The following MLKL variants were observed in gnomAD, a reference collection of about 807,000 sequenced individuals.
MLKL encodes mixed lineage kinase domain like pseudokinase, also known as mixed lineage kinase domain-like protein.
In MLKL, 55 loss-of-function variants were observed where a neutral mutation model predicts 56.5. The observed-to-expected ratio is 0.97, with a 90% CI of 0.78 to 1.22. MLKL has a LOEUF of 1.22. MLKL is among the 50% of genes most tolerant of loss of function. The pLI, the probability that MLKL is intolerant of heterozygous loss-of-function variation, is 0.00. For synonymous variants in MLKL, 251 were observed against 208.3 expected (o/e 1.20, Z -1.76); for missense variants, 694 against 573.9 (o/e 1.21, Z -2.14).
Position 74,678,573 on chromosome 16 carries a change from C to A in MLKL, c.1038+326G>T, listed in dbSNP as rs9940904. Among the ~76,000 whole-genome samples the A allele has an allele frequency of 6.9e-3, 1,058 of 152,312 alleles. 9 individuals are homozygous for A. The highest frequency in any genetic ancestry group is 0.024 in the African/African-American group (1,004 of 41,578). ...CCCAGGTGGGCGGATCACTTGAGGC[C>A]AGGAGTTCAAAACCAGCTGGCCAAC... On this transcript the variant is annotated intron_variant, in intron 7 of 10. Transcript: ENST00000308807.
At chr16:74,689,567 T>G (rs1489815671) in intron 4 of MLKL, among the ~76,000 whole-genome samples, 1 of 152,208 alleles carries the variant, frequency 6.6e-6, no homozygotes, top group African/African-American at 2.4e-5. Flanking sequence ...TCTTTGATAT[T>G]TATTCAGCTA....
chr16:74,673,363 G>A (rs571266765), intron 10 of MLKL, among the ~76,000 whole-genome samples: 54 of 152,206 alleles, frequency 3.5e-4, no homozygotes, highest in African/African-American at 1.3e-3. Context: ...GATTACCGGT[G>A]TGTGCCACTA....
chr16:74,685,108 C>T (rs1960246289), intron 5 of MLKL, among the ~76,000 whole-genome samples: 2 of 152,126 alleles, frequency 1.3e-5, no homozygotes, highest in Non-Finnish European at 2.9e-5. Context: ...AAGTGACCTG[C>T]CTGTCTCGGC....
At position 74,682,680 on chromosome 16, in the gene MLKL, T is replaced by C. The variant is rs1287324872; in HGVS notation, c.927A>G (p.Leu309=). The C allele has an allele frequency of 3.7e-6, 6 of 1,614,022 alleles. No individual in the cohort carries two copies. In the Admixed American group the frequency reaches 8.3e-5, roughly 22 times the overall value. ...ATAGGCCTCGGGCTGCCCCCAGGAC[T>C]AGGACCATGCGCTTGCCAAGTGTGA... ...KDLTLGKRMV[L]VLGAARGLYR... Residue 309 remains leucine (L), a synonymous_variant, in exon 6 of 11, where the codon CTA becomes CTG. Coordinates refer to ENST00000308807, the MANE Select transcript of MLKL (RefSeq NM_152649.4).
chr16:74,675,915 A>G (rs1567599814), intron 7 of MLKL, 151 bp from the exon 8 acceptor site: 7 of 768,458 alleles, frequency 9.1e-6, no homozygotes, highest in East Asian at 2.6e-5. Context: ...TGGCTACTTT[A>G]TTGGTTAACA....
At chr16:74,689,151 G>A (rs151270364) in intron 4 of MLKL, among the ~76,000 whole-genome samples, 351 of 137,946 alleles carry the variant, frequency 2.5e-3, no homozygotes, top group African/African-American at 9.0e-3. Flanking sequence ...GTCTTGCTCT[G>A]TTACCCAGGC....
In MLKL at chr16:74,685,498, T is replaced by A; in HGVS notation, c.808A>T (p.Ile270Phe). 1 of 1,613,892 alleles carries A rather than the reference T, an allele frequency of 6.2e-7. No individual in the cohort carries two copies. Among genetic ancestry groups the A allele is most frequent in the Non-Finnish European group, 8.5e-7 (1 of 1,179,800 alleles). Residue 270 changes from isoleucine to phenylalanine, a missense_variant, in exon 5 of 11, where the codon ATT becomes TTT. Ile to Phe is a conservative substitution (Grantham distance 21). Transcript: ENST00000308807. Reference protein sequence around the residue: ...PNILRIFGICIDETVTPPQFS... With the variant: ...PNILRIFGICFDETVTPPQFS... Reference sequence around the variant, plus strand: ...AAGCATTCCTTACCTGTTTCATCAATGCAAATCCCAAATATACGCAGGATG... The same window carrying A: ...AAGCATTCCTTACCTGTTTCATCAAAGCAAATCCCAAATATACGCAGGATG...
At chr16:74,693,477 A>AAAAGAAAGAAAGAAAGAAAG (rs373622678) in intron 2 of MLKL, among the ~76,000 whole-genome samples, 7 of 124,618 alleles carry the variant, frequency 5.6e-5, no homozygotes, top group East Asian at 2.3e-4. Flanking sequence ...AAGAAAAGAA[A>AAAAGAAAGAAAGAAAGAAAG]AAAGAAAGAA....
intron 4 of MLKL, 84 bp from the exon 5 acceptor site, chr16:74,685,667 G>A: frequency 9.5e-7 from 1 of 1,048,244 alleles, no homozygotes; most frequent in Non-Finnish European, 1.5e-6. Context: ...CTCTGTGTAT[G>A]TGGGGGCGGG....
Position 74,682,727 on chromosome 16 carries a change from G to A in MLKL, c.880C>T (p.Leu294=), listed in dbSNP as rs80226077. The A allele has an allele frequency of 1.0e-3, 1,685 of 1,614,104 alleles. 20 individuals carry two copies. In the African/African-American group the frequency reaches 0.021, roughly 20 times the overall value. Reference sequence around the variant, plus strand: ...GTGAGGTCTTTTTCCCTATCCAACAGCTCCCTCAGGGTCCCGAGTTCACAG... The same window carrying A: ...GTGAGGTCTTTTTCCCTATCCAACAACTCCCTCAGGGTCCCGAGTTCACAG... ...EYCELGTLRE[L]LDREKDLTLG... Residue 294 remains leucine, a synonymous_variant, in exon 6 of 11, where the codon CTG becomes TTG. Coordinates refer to ENST00000308807, the MANE Select transcript of MLKL (RefSeq NM_152649.4).
At chr16:74,696,627 A>G (rs1220527408) in intron 1 of MLKL, among the ~76,000 whole-genome samples, 1 of 151,774 alleles carries the variant, frequency 6.6e-6, no homozygotes. Flanking sequence ...TCTCTACAAA[A>G]ATAAAAAAAA....
chr16:74,678,154 G>A (rs891194300), intron 7 of MLKL: 1 of 152,396 alleles, frequency 6.6e-6, no homozygotes, highest in Non-Finnish European at 1.5e-5. Flanking sequence ...CTGACAAAGA[G>A]AGTATCTCCT....
intron 2 of MLKL, 138 bp downstream of exon 2, chr16:74,695,160 T>C (rs994388201): frequency 5.5e-6 from 5 of 915,070 alleles, no homozygotes; most frequent in Non-Finnish European, 8.1e-6. Context: ...GCGAGAGCCA[T>C]CGCGCCCAGC....
intron 6 of MLKL, among the ~76,000 whole-genome samples, chr16:74,681,598 C>T (rs1429558616): frequency 2.0e-5 from 3 of 151,610 alleles, no homozygotes; most frequent in African/African-American, 7.3e-5. Context: ...TCGATACCAT[C>T]CTGGCTAACA....
At chr16:74,679,902 T>A (rs1320429740) in intron 6 of MLKL, among the ~76,000 whole-genome samples, 1 of 152,088 alleles carries the variant, frequency 6.6e-6, no homozygotes, top group African/African-American at 2.4e-5. Flanking sequence ...GGAAGTAGGA[T>A]GGCGAAGGAG....
chr16:74,695,865 T>A, intron 1 of MLKL, 106 bp from the exon 2 acceptor site: 1 of 987,050 alleles, frequency 1.0e-6, no homozygotes, highest in South Asian at 1.7e-5. Flanking sequence ...CCTGAGGAGG[T>A]CTCCCCAGCA....
intron 5 of MLKL, among the ~76,000 whole-genome samples, chr16:74,683,519 C>A (rs926520693): frequency 6.6e-6 from 1 of 150,592 alleles, no homozygotes; most frequent in East Asian, 2.0e-4. Context: ...TTGCTTGAAC[C>A]TCGGAGGTGG....
rs1292246704 is a variant in MLKL at position 74,685,497 on chromosome 16, A to G, written c.809T>C (p.Ile270Thr). ...PNILRIFGICIDETVTPPQFS... is the reference protein window; with the variant it reads ...PNILRIFGICTDETVTPPQFS... ...GAAGCATTCCTTACCTGTTTCATCA[A>G]TGCAAATCCCAAATATACGCAGGAT... The change falls in exon 5 of 11, where the codon ATT becomes ACT. Residue 270 changes from isoleucine (I) to threonine (T), a missense_variant. Physicochemically the swap from Ile to Thr is moderately conservative, Grantham distance 89. Transcript: ENST00000308807. 18 of 1,613,848 alleles carry G rather than the reference A, an allele frequency of 1.1e-5. No homozygotes were observed. Among genetic ancestry groups the G allele is most frequent in the East Asian group, 2.2e-5 (1 of 44,890 alleles).
chr16:74,674,909 A>T lies in MLKL; in HGVS notation c.1381+51T>A, dbSNP rs143572680. 22 of 1,575,532 alleles carry T rather than the reference A, an allele frequency of 1.4e-5. No individual in the cohort carries two copies. In the East Asian group the frequency reaches 5.0e-4, roughly 36 times the overall value. ...GCTGGTGAAAAGGAAATCTTTCACA[A>T]GTGTGAAATAATGATGGGGCTCACG... is the stretch of plus-strand genomic sequence containing the variant. On this transcript the variant is annotated intron_variant, in intron 10 of 10. Coordinates refer to ENST00000308807, the MANE Select transcript of MLKL (RefSeq NM_152649.4).
Sources: gnomAD v4.1 joint callset for allele counts (sites outside exome capture counted in the v4.1 genomes callset) on GRCh38, gnomAD v4.1.1 for gene constraint, MANE v1.5 for transcripts, NCBI Gene and HGNC (gene_info 2026-07-23, HGNC 2026-07-21) for gene names.